The following PCDH11X variants were observed in gnomAD, a reference collection of about 807,000 sequenced individuals.
The protein encoded by PCDH11X is protocadherin-11 X-linked.
A neutral mutation model predicts 53.3 loss-of-function variants in PCDH11X; 18 were observed. The observed-to-expected ratio is 0.34, with a 90% CI of 0.23 to 0.50. The LOEUF (loss-of-function observed/expected upper bound fraction) is 0.50. Ranked by LOEUF, PCDH11X falls within the 20% of genes least tolerant of loss-of-function variation. The pLI is 0.98. For missense variants in PCDH11X, 570 were observed against 1,032.4 expected, an observed-to-expected ratio of 0.55 and a Z score of 6.14; for synonymous variants, 279 against 393.3, an observed-to-expected ratio of 0.71 and a Z score of 3.44.
chrX:91,868,889 T>C (rs2147707615), intron 5 of PCDH11X, among the ~76,000 whole-genome samples: 1 of 111,746 alleles, frequency 8.9e-6, no homozygotes, highest in Non-Finnish European at 1.9e-5. Flanking sequence ...TTTGGACTTT[T>C]CTTAGAATGT....
chrX:92,156,993 TA>T (rs1226342606), intron 6 of PCDH11X, among the ~76,000 whole-genome samples: 1 of 112,059 alleles, frequency 8.9e-6, no homozygotes, highest in African/African-American at 3.2e-5. Context: ...GAGGTTTATG[TA>T]GCAAATCCAT....
At chrX:91,957,962 T>C (rs1311757008) in intron 6 of PCDH11X, among the ~76,000 whole-genome samples, 1 of 109,533 alleles carries the variant, frequency 9.1e-6, no homozygotes, top group Non-Finnish European at 1.9e-5. Flanking sequence ...GTACCCTGGC[T>C]GGAGTGGCTG....
At chrX:92,233,520 A>G (rs747981943) in intron 7 of PCDH11X, among the ~76,000 whole-genome samples, 51 of 111,605 alleles carry the variant, frequency 4.6e-4, no homozygotes, top group Non-Finnish European at 8.3e-4. Flanking sequence ...TTGTTTTTCT[A>G]TTTTTACTCA....
chrX:92,449,602 A>T (rs1461307560), intron 9 of PCDH11X, among the ~76,000 whole-genome samples: 3 of 112,072 alleles, frequency 2.7e-5, no homozygotes, highest in South Asian at 7.3e-4. Context: ...TTCACAAAAA[A>T]ATAATGATAG....
chrX:91,966,735 C>T (rs1014313229), intron 6 of PCDH11X, among the ~76,000 whole-genome samples: 13 of 110,507 alleles, frequency 1.2e-4, no homozygotes, highest in Non-Finnish European at 1.9e-4. Context: ...TTAACGGGCA[C>T]GTATTTTTAA....
chrX:92,206,309 T>G (rs897721742), intron 7 of PCDH11X, among the ~76,000 whole-genome samples: 1 of 111,793 alleles, frequency 8.9e-6, no homozygotes, highest in African/African-American at 3.2e-5. Context: ...TGAAATATCT[T>G]ATTTTTAACA....
At chrX:91,852,125 T>C (rs1938064837) in intron 5 of PCDH11X, among the ~76,000 whole-genome samples, 1 of 102,622 alleles carries the variant, frequency 9.7e-6, no homozygotes, top group Non-Finnish European at 2.0e-5. Context: ...GCAATTCTCC[T>C]GCCTTAGCCT....
At chrX:92,559,043 G>C (rs1335917801) in intron 10 of PCDH11X, among the ~76,000 whole-genome samples, 6 of 110,539 alleles carry the variant, frequency 5.4e-5, no homozygotes, top group African/African-American at 2.0e-4. Flanking sequence ...ATTTCCATTG[G>C]GCATGTAGTT....
intron 6 of PCDH11X, among the ~76,000 whole-genome samples, chrX:92,102,195 C>A (rs905362229): frequency 9.0e-6 from 1 of 110,919 alleles, no homozygotes; most frequent in Non-Finnish European, 1.9e-5. Flanking sequence ...CTGAAGGAGC[C>A]GGGGAGCAGA....
intron 6 of PCDH11X, among the ~76,000 whole-genome samples, chrX:91,946,872 A>G (rs1348570022): frequency 9.6e-6 from 1 of 104,416 alleles, no homozygotes; most frequent in Non-Finnish European, 2.0e-5. Context: ...AAGTTTAAAA[A>G]TCCTGAAGAT....
At chrX:91,845,158 A>G (rs770854479) in intron 5 of PCDH11X, among the ~76,000 whole-genome samples, 4 of 111,978 alleles carry the variant, frequency 3.6e-5, no homozygotes, top group Non-Finnish European at 5.6e-5. Flanking sequence ...AAACTAATGC[A>G]TATTCAATTA....
chrX:92,120,134 A>ACCAT (rs1253903421), intron 6 of PCDH11X, among the ~76,000 whole-genome samples: 1 of 102,099 alleles, frequency 9.8e-6, no homozygotes, highest in Non-Finnish European at 2.0e-5. Flanking sequence ...ATGGAATGGC[A>ACCAT]CCATTTTCTA....
At chrX:91,894,032 G>T (rs902373075) in intron 6 of PCDH11X, among the ~76,000 whole-genome samples, 2 of 111,534 alleles carry the variant, frequency 1.8e-5, no homozygotes, top group Non-Finnish European at 3.8e-5. Context: ...TTGGGGTTTT[G>T]TTTTGTTTAG....
intron 5 of PCDH11X, among the ~76,000 whole-genome samples, chrX:91,868,323 A>G (rs1319708093): frequency 8.9e-6 from 1 of 111,757 alleles, no homozygotes; most frequent in Non-Finnish European, 1.9e-5. Flanking sequence ...TCTCACCAAA[A>G]TTTGCCACCA....
chrX:92,350,576 C>A (rs1270713916), intron 8 of PCDH11X, among the ~76,000 whole-genome samples: 5 of 111,719 alleles, frequency 4.5e-5, no homozygotes, highest in Non-Finnish European at 9.4e-5. Flanking sequence ...CGTCTCTTAG[C>A]TGTGAATACC....
At chrX:91,802,212 C>T (rs1247130283) in intron 1 of PCDH11X, among the ~76,000 whole-genome samples, 3 of 113,011 alleles carry the variant, frequency 2.7e-5, no homozygotes, top group Non-Finnish European at 5.6e-5. Context: ...GGGCAATTTT[C>T]TTTATGTAGA....
At chrX:91,914,880 C>T (rs1422286368) in intron 6 of PCDH11X, among the ~76,000 whole-genome samples, 1 of 111,457 alleles carries the variant, frequency 9.0e-6, no homozygotes, top group Non-Finnish European at 1.9e-5. Flanking sequence ...CATCCAAATA[C>T]AAGAAGCTCA....
intron 5 of PCDH11X, among the ~76,000 whole-genome samples, chrX:91,871,298 G>C (rs1016613444): frequency 9.3e-6 from 1 of 107,991 alleles, no homozygotes; most frequent in African/African-American, 3.4e-5. Flanking sequence ...GTGGCCCAAA[G>C]ATGTATCAGT....
chrX:91,822,500 C>T (rs1442680886), intron 4 of PCDH11X, among the ~76,000 whole-genome samples: 1 of 111,027 alleles, frequency 9.0e-6, no homozygotes, highest in Admixed American at 9.6e-5. Context: ...AGTTTGTATT[C>T]CTGTGGATCG....
Sources: allele counts gnomAD v4.1 joint callset (sites outside exome capture counted in the v4.1 genomes callset), GRCh38; gene constraint gnomAD v4.1.1; transcripts MANE v1.5; gene names NCBI Gene and HGNC (gene_info 2026-07-23, HGNC 2026-07-21).